The following GLIS3 variants were observed in gnomAD, a reference collection of about 807,000 sequenced individuals.
The protein encoded by GLIS3 is GLIS family zinc finger 3.
A neutral mutation model predicts 78.6 loss-of-function variants in GLIS3; 53 were observed. The ratio of observed to expected loss-of-function variants is 0.67; its 90% CI spans 0.54 to 0.85. The LOEUF is 0.85. Ranked by LOEUF, GLIS3 falls within the 40% of genes least tolerant of loss-of-function variation. The pLI is 0.00. For missense variants in GLIS3, 1,703 were observed against 1,231.1 expected, an observed-to-expected ratio of 1.38 and a Z score of -5.74; for synonymous variants, 684 against 509.9, an observed-to-expected ratio of 1.34 and a Z score of -4.60.
intron 9 of GLIS3, among the ~76,000 whole-genome samples, chr9:3,829,883 G>C (rs183788799): frequency 4.0e-4 from 61 of 152,162 alleles, no homozygotes; most frequent in African/African-American, 1.4e-3. Flanking sequence ...ATTTTCTTCT[G>C]TTTTCACACT....
chr9:4,007,068 C>G (rs150814423), intron 4 of GLIS3, among the ~76,000 whole-genome samples: 174 of 152,278 alleles, frequency 1.1e-3, no homozygotes, highest in African/African-American at 4.0e-3. Flanking sequence ...AAGGAATAAG[C>G]CTGGAGACCA....
intron 2 of GLIS3, among the ~76,000 whole-genome samples, chr9:4,161,475 G>A (rs1835469706): frequency 6.6e-6 from 1 of 152,074 alleles, no homozygotes; most frequent in Non-Finnish European, 1.5e-5. Flanking sequence ...ACCCCTTCGT[G>A]GATGCATTGG....
At chr9:4,263,681 C>A (rs1260037257) in intron 2 of GLIS3, among the ~76,000 whole-genome samples, 2 of 152,192 alleles carry the variant, frequency 1.3e-5, no homozygotes, top group East Asian at 3.9e-4. Context: ...CTGTCAAGGT[C>A]AGTAGTGACC....
At chr9:4,324,735 T>A (rs997416383) in intron 2 of GLIS3, among the ~76,000 whole-genome samples, 1 of 152,266 alleles carries the variant, frequency 6.6e-6, no homozygotes, top group African/African-American at 2.4e-5. Context: ...AGCACCATTT[T>A]CTGTAAATCA....
At chr9:4,241,195 G>A (rs1309428227) in intron 2 of GLIS3, among the ~76,000 whole-genome samples, 1 of 152,120 alleles carries the variant, frequency 6.6e-6, no homozygotes, top group African/African-American at 2.4e-5. Context: ...AAGTGTGGTG[G>A]AGTAGACGTG....
At chr9:4,472,778 C>T in the GLIS3 span, among the ~76,000 whole-genome samples, 4 of 151,616 alleles carry the variant, frequency 2.6e-5, no homozygotes, top group African/African-American at 7.3e-5. Flanking sequence ...CTAAAATTGT[C>T]GTCATTTACA....
At chr9:3,976,869 G>T (rs1818848684) in intron 4 of GLIS3, among the ~76,000 whole-genome samples, 1 of 91,866 alleles carries the variant, frequency 1.1e-5, no homozygotes, top group Non-Finnish European at 2.1e-5. Context: ...CATCTTTGGT[G>T]GAAAAAAAAA....
At chr9:4,319,825 C>T (rs377427747) in intron 2 of GLIS3, among the ~76,000 whole-genome samples, 2 of 152,198 alleles carry the variant, frequency 1.3e-5, no homozygotes, top group East Asian at 3.9e-4. Flanking sequence ...AAAATTTCTA[C>T]CCCAATAACG....
chr9:4,117,304 C>G (rs1453524653), intron 4 of GLIS3, among the ~76,000 whole-genome samples: 1 of 152,176 alleles, frequency 6.6e-6, no homozygotes, highest in Middle Eastern at 3.2e-3. Flanking sequence ...AGCCAAGTTG[C>G]TAAGTGGTGA....
At chr9:4,181,541 A>G (rs748022948) in intron 2 of GLIS3, among the ~76,000 whole-genome samples, 1 of 152,104 alleles carries the variant, frequency 6.6e-6, no homozygotes, top group Non-Finnish European at 1.5e-5. Flanking sequence ...TCCTTCCTAT[A>G]TTTAGAAATT....
intron 2 of GLIS3, among the ~76,000 whole-genome samples, chr9:4,202,709 G>C (rs1260375057): frequency 6.6e-6 from 1 of 152,122 alleles, no homozygotes; most frequent in Non-Finnish European, 1.5e-5. Flanking sequence ...ACAAAAGTAA[G>C]CAATGGGGAA....
intron 8 of GLIS3, among the ~76,000 whole-genome samples, chr9:3,877,806 C>A (rs1480777007): frequency 7.0e-6 from 1 of 142,316 alleles, no homozygotes; most frequent in Admixed American, 6.7e-5. Flanking sequence ...CAATATTCTT[C>A]TCCTTGTTTT....
chr9:4,274,023 G>T (rs975805615), intron 2 of GLIS3, among the ~76,000 whole-genome samples: 1 of 152,274 alleles, frequency 6.6e-6, no homozygotes, highest in East Asian at 1.9e-4. Flanking sequence ...AGGACATGTG[G>T]CCGAGTCTGC....
intron 2 of GLIS3, among the ~76,000 whole-genome samples, chr9:4,226,519 C>T (rs1027944478): frequency 9.9e-5 from 15 of 152,066 alleles, no homozygotes; most frequent in African/African-American, 1.9e-4. Context: ...AGAAACAACC[C>T]GACTATGCCT....
chr9:4,237,904 G>C (rs1035390383), intron 2 of GLIS3, among the ~76,000 whole-genome samples: 5 of 152,088 alleles, frequency 3.3e-5, no homozygotes, highest in African/African-American at 1.2e-4. Flanking sequence ...CCCTTCCCTA[G>C]TTAATTCACT....
chr9:4,126,057 T>C, intron 2 of GLIS3, 116 bp from the exon 3 acceptor site: 1 of 788,786 alleles, frequency 1.3e-6, no homozygotes, highest in Non-Finnish European at 2.1e-6. Context: ...CAGATCATTT[T>C]TTTTTTTAGT....
At chr9:4,157,821 T>C (rs1337486075) in intron 2 of GLIS3, among the ~76,000 whole-genome samples, 4 of 152,238 alleles carry the variant, frequency 2.6e-5, no homozygotes, top group Non-Finnish European at 4.4e-5. Context: ...GTATGCATTC[T>C]GGGAGCCTTT....
intron 2 of GLIS3, among the ~76,000 whole-genome samples, chr9:4,346,628 G>T (rs1817901227): frequency 6.6e-6 from 1 of 152,210 alleles, no homozygotes. Context: ...AGCTTCTCTA[G>T]TAGGACTAAC....
At position 4,118,933 on chromosome 9, in the gene GLIS3, G is replaced by A; in HGVS notation, c.597-52C>T. ...AAAAAAAAGATAAACATTTTAGCAG[G>A]ATACGGATTGCTTAAGAGCTAAAAG... On this transcript the variant is annotated intron_variant, in intron 3 of 10. Transcript: ENST00000381971. The surrounding 1 kb of genome is among the most constrained non-coding windows in gnomAD (Gnocchi z 4.7). 1.3e-6 allele frequency: 2 copies of A among 1,560,408 alleles called. No individual in the cohort carries two copies. Among genetic ancestry groups the A allele is most frequent in the East Asian group, 2.3e-5 (1 of 43,522 alleles).
Sources: allele counts gnomAD v4.1 joint callset (sites outside exome capture counted in the v4.1 genomes callset), GRCh38; gene constraint gnomAD v4.1.1; non-coding constraint Gnocchi (gnomAD v3.1); transcripts MANE v1.5; gene names NCBI Gene and HGNC (gene_info 2026-07-23, HGNC 2026-07-21).